The following TRIM17 variants were observed in gnomAD, a reference collection of about 807,000 sequenced individuals.
TRIM17 encodes tripartite motif containing 17, also known as E3 ubiquitin-protein ligase TRIM17.
Under a neutral mutation model 35.8 loss-of-function variants are expected in TRIM17, and 27 were observed. That is an observed-to-expected ratio of 0.75 (90% confidence interval 0.56 to 1.04). The LOEUF (loss-of-function observed/expected upper bound fraction) is 1.04, where lower values mean the gene tolerates loss of function less well. Ranked by LOEUF, TRIM17 falls within the 50% of genes least tolerant of loss-of-function variation. The probability of loss-of-function intolerance (pLI) is 0.00; values close to 1 mark genes in which losing one functional copy is unlikely to be tolerated. For synonymous variants in TRIM17, 246 were observed against 252.6 expected (o/e 0.97, Z 0.25); for missense variants, 582 against 612.8 (o/e 0.95, Z 0.53).
At chr1:228,416,221 A>T (rs1458425995) in intron 1 of TRIM17, among the ~76,000 whole-genome samples, 1 of 151,426 alleles carries the variant, frequency 6.6e-6, no homozygotes, top group Non-Finnish European at 1.5e-5. Flanking sequence ...CACGCCAACC[A>T]CCCGGCGCCA....
In TRIM17 at chr1:228,408,614, C is replaced by A; in HGVS notation, c.1021G>T (p.Val341Leu). Residue 341 changes from valine to leucine, a missense_variant, in exon 7 of 7, where the codon GTG (valine) becomes TTG (leucine). Val to Leu is a conservative substitution (Grantham distance 32). Transcript: ENST00000366698. The surrounding 1 kb of genome is among the most constrained non-coding windows in gnomAD (Gnocchi z 6.3). ...CCAGAGGAGAAGGCCGTCTGGCCCA[C>A]AGCACAGGGGTAAGCCACAAATCGG... Reference protein sequence around the residue: ...KDRFVAYPCAVGQTAFSSGRH... With the variant: ...KDRFVAYPCALGQTAFSSGRH... 1 of 1,613,836 alleles carries A rather than the reference C, an allele frequency of 6.2e-7. No individual in the cohort carries two copies. Among genetic ancestry groups the A allele is most frequent in the Non-Finnish European group, 8.5e-7 (1 of 1,180,036 alleles).
intron 2 of TRIM17, 72 bp downstream of exon 2, chr1:228,414,572 A>G: frequency 7.4e-7 from 1 of 1,356,252 alleles, no homozygotes; most frequent in Non-Finnish European, 1.0e-6. Flanking sequence ...TCCCTCCCCC[A>G]TGATCTGGGT....
rs200463902 is a variant in TRIM17, at chr1:228,408,666, C to T, written c.969G>A (p.Pro323=). The change falls in exon 7 of 7, where the codon CCG becomes CCA. Residue 323 remains proline, a synonymous_variant. Transcript: ENST00000366698. This position sits in a 1 kb window ranked among gnomAD's most constrained non-coding sequence, Gnocchi z 6.3. ...CCTTGCTGCAGAACCCACTGCCCTCCGGCGAAGAGCCGAGGTAGCGCCTCT... is the reference window on the plus strand; with the variant it reads ...CCTTGCTGCAGAACCCACTGCCCTCTGGCGAAGAGCCGAGGTAGCGCCTCT... The part of the protein sequence containing the change: ...SRQRRYLGSS[P]EGSGFCSKDR... The T allele has an allele frequency of 1.4e-5, 22 of 1,611,964 alleles. No homozygotes were observed. Among genetic ancestry groups the T allele is most frequent in the Middle Eastern group, 1.6e-4 (1 of 6,062 alleles).
At chr1:228,413,722 G>A (rs941673660) in intron 3 of TRIM17, 75 bp downstream of exon 3, 7 of 1,261,504 alleles carry the variant, frequency 5.5e-6, no homozygotes, top group Admixed American at 1.8e-5. Context: ...ATATCCCCAC[G>A]GGCAGACACA....
chr1:228,409,146 G>A, intron 6 of TRIM17, 26 bp downstream of exon 6: 1 of 1,614,068 alleles, frequency 6.2e-7, no homozygotes, highest in Non-Finnish European at 8.5e-7. Context: ...CTGGGTCAGA[G>A]GTCCTGGCCC....
chr1:228,415,617 A>T (rs1355171793), intron 1 of TRIM17: 2 of 152,982 alleles, frequency 1.3e-5, no homozygotes, highest in Non-Finnish European at 2.9e-5. Context: ...GCCTGACTAA[A>T]GAGCCTTTCA....
chr1:228,413,721 C>T (rs3738688), intron 3 of TRIM17, 76 bp downstream of exon 3: 19,504 of 1,256,524 alleles, frequency 0.016, 273 homozygotes, highest in East Asian at 0.064. Context: ...CATATCCCCA[C>T]GGGCAGACAC....
intron 3 of TRIM17, among the ~76,000 whole-genome samples, chr1:228,412,758 ACT>A (rs764151652): frequency 1.3e-5 from 2 of 151,836 alleles, no homozygotes; most frequent in Non-Finnish European, 2.9e-5. Context: ...CCACAGAGCG[ACT>A]CTGACTCAAG....
At chr1:228,409,688 T>G (rs1224633825) in intron 4 of TRIM17, 7 of 409,316 alleles carry the variant, frequency 1.7e-5, no homozygotes, top group Non-Finnish European at 3.0e-5. Context: ...GAGGGACCCC[T>G]TCCAGGCAAG....
At chr1:228,415,656 C>G (rs1222862884) in intron 1 of TRIM17, 1 of 152,950 alleles carries the variant, frequency 6.5e-6, no homozygotes, top group Non-Finnish European at 1.5e-5. Context: ...TTAACAAAAC[C>G]CCGTACACCA....
In TRIM17 at chr1:228,410,726, T is replaced by G. The variant is rs1448669822; in HGVS notation, c.756+220A>C. On this transcript the variant is annotated intron_variant, in intron 4 of 6. Transcript: ENST00000366698. This position sits in a 1 kb window ranked among gnomAD's most constrained non-coding sequence, Gnocchi z 4.6. ...AGACGTGCATAGAGAGATGATGCCA[T>G]GAGGACGCGGGGAGGAGACGGCATC... 6.6e-6 allele frequency among the ~76,000 whole-genome samples: 1 copy of G among 152,078 alleles called. No homozygotes were observed. The highest frequency in any genetic ancestry group is 1.5e-5 in the Non-Finnish European group (1 of 68,016).
At chr1:228,415,174 G>T in intron 1 of TRIM17, 61 bp from the exon 2 acceptor site, 1 of 1,349,990 alleles carries the variant, frequency 7.4e-7, no homozygotes, top group Non-Finnish European at 9.9e-7. Flanking sequence ...CAACCGTCCT[G>T]TACAGCCTCC....
rs1458094723 is a variant in TRIM17 at position 228,408,421 on chromosome 1, G to A, written c.1214C>T (p.Ala405Val). ...CTCCATCAGCATGACCGGGGTTAGG[G>A]CAGAGAAGGTGGATAAGTACTTGGT... ...KGTKYLSTFS[A>V]LTPVMLMEPP... Residue 405 changes from alanine (A) to valine (V), a missense_variant, in exon 7 of 7, where the codon GCC (alanine) becomes GTC (valine). By Grantham distance (64) the Ala-to-Val change is moderately conservative. Coordinates refer to ENST00000366698, the MANE Select transcript of TRIM17 (RefSeq NM_016102.4). The surrounding 1 kb of genome is among the most constrained non-coding windows in gnomAD (Gnocchi z 6.3). 5.6e-6 allele frequency: 9 copies of A among 1,614,078 alleles called. No individual in the cohort carries two copies. In the Admixed American group the frequency reaches 1.2e-4, roughly 21 times the overall value.
At chr1:228,412,029 T>C (rs1346826330) in intron 3 of TRIM17, among the ~76,000 whole-genome samples, 1 of 152,114 alleles carries the variant, frequency 6.6e-6, no homozygotes, top group Non-Finnish European at 1.5e-5. Flanking sequence ...CCTGCCCTGA[T>C]TGCTTTTTGT....
chr1:228,410,936 A>G lies in TRIM17; in HGVS notation c.756+10T>C. On this transcript the variant is annotated intron_variant, in intron 4 of 6. Coordinates refer to ENST00000366698, the MANE Select transcript of TRIM17 (RefSeq NM_016102.4). This position sits in a 1 kb window ranked among gnomAD's most constrained non-coding sequence, Gnocchi z 4.6. Reference sequence around the variant, plus strand: ...ACATCCCACCCTGCCTGCCAAGCCTACTGGCTCACCTGCAGCATCTGGAGG... The same window carrying G: ...ACATCCCACCCTGCCTGCCAAGCCTGCTGGCTCACCTGCAGCATCTGGAGG... 6.6e-7 allele frequency: 1 copy of G among 1,519,108 alleles called. No individual in the cohort carries two copies. The allele number at this position is 1,519,108 out of a possible 1,614,324, so 94.1% of individuals were successfully genotyped here.
Position 228,408,908 on chromosome 1 carries a change from A to G in TRIM17, c.884-157T>C. ...GAATCTGGGGTTACTTGATGCTTCC[A>G]CACACCAATTGTGTGTGGGCCTTGG... is the stretch of plus-strand genomic sequence containing the variant. On this transcript the variant is annotated intron_variant, in intron 6 of 6. Coordinates refer to ENST00000366698, the MANE Select transcript of TRIM17 (RefSeq NM_016102.4). This position sits in a 1 kb window ranked among gnomAD's most constrained non-coding sequence, Gnocchi z 6.3. 6.8e-7 allele frequency: 1 copy of G among 1,481,470 alleles called. No individual in the cohort carries two copies. The highest frequency in any genetic ancestry group is 2.4e-5 in the Admixed American group (1 of 42,482). The allele number at this position is 1,481,470 out of a possible 1,614,324, so 91.8% of individuals were successfully genotyped here. A position where few individuals can be genotyped will look rare whatever the true frequency, so the allele number is the denominator to read the frequency against.
At position 228,408,686 on chromosome 1, in the gene TRIM17, G is replaced by A. The variant is rs774290771; in HGVS notation, c.949C>T (p.Arg317Cys). 11 of 1,609,318 alleles carry A rather than the reference G, an allele frequency of 6.8e-6. No homozygotes were observed. The highest frequency in any genetic ancestry group is 1.3e-5 in the African/African-American group (1 of 74,928). ...YLLLYESRQRRYLGSSPEGSG... is the reference protein window; with the variant it reads ...YLLLYESRQRCYLGSSPEGSG... ...CCCTCCGGCGAAGAGCCGAGGTAGCGCCTCTGGCGGCTCTCATACAGGAGG... is the reference window on the plus strand; with the variant it reads ...CCCTCCGGCGAAGAGCCGAGGTAGCACCTCTGGCGGCTCTCATACAGGAGG... The change falls in exon 7 of 7, where the codon CGC (arginine) becomes TGC (cysteine). Residue 317 changes from arginine (R) to cysteine (C), a missense_variant. By Grantham distance (180) the Arg-to-Cys change is radical (BLOSUM62 -3). Transcript: ENST00000366698. This position sits in a 1 kb window ranked among gnomAD's most constrained non-coding sequence, Gnocchi z 6.3.
In TRIM17 at chr1:228,416,521, G is replaced by A. The variant is rs1273607565; in HGVS notation, c.-42+18C>T. ...GCCACAGGAGGGTAGCCTAGGCGGCGGGGTGGGGGCTACTCACCGCGGGGA... is the reference window on the plus strand; with the variant it reads ...GCCACAGGAGGGTAGCCTAGGCGGCAGGGTGGGGGCTACTCACCGCGGGGA... On this transcript the variant is annotated intron_variant, in intron 1 of 6. Transcript: ENST00000366698. 4 of 985,690 alleles carry A rather than the reference G, an allele frequency of 4.1e-6. No individual in the cohort carries two copies. The East Asian group carries it at 4.5e-4, about 112-fold the overall frequency. 61.1% of individuals were successfully genotyped at this position (985,690 alleles called of 1,614,324 possible). A position where few individuals can be genotyped will look rare whatever the true frequency, so the allele number is the denominator to read the frequency against.
intron 3 of TRIM17, 112 bp downstream of exon 3, chr1:228,413,685 T>G: frequency 3.6e-6 from 3 of 841,400 alleles, no homozygotes; most frequent in Admixed American, 2.2e-5. Context: ...AGAGGCAACT[T>G]TCTTCTTTTC....
Sources: allele counts gnomAD v4.1 joint callset (sites outside exome capture counted in the v4.1 genomes callset), GRCh38; gene constraint gnomAD v4.1.1; non-coding constraint Gnocchi (gnomAD v3.1); transcripts MANE v1.5; gene names NCBI Gene and HGNC (gene_info 2026-07-23, HGNC 2026-07-21).